The following AVEN variants were observed in gnomAD, a reference collection of about 807,000 sequenced individuals.
AVEN encodes the protein apoptosis and caspase activation inhibitor, also known as cell death regulator Aven.
AVEN carries 41 observed loss-of-function variants against 38.1 expected under a neutral mutation model. That is an observed-to-expected ratio of 1.08 (90% confidence interval 0.84 to 1.40). The LOEUF (loss-of-function observed/expected upper bound fraction) is 1.40. AVEN is among the 40% of genes most tolerant of loss of function. The pLI, the probability that AVEN is intolerant of heterozygous loss-of-function variation, is 0.00. For synonymous variants in AVEN, 206 were observed against 171.8 expected (o/e 1.20, Z -1.56); for missense variants, 605 against 438.8 (o/e 1.38, Z -3.38).
rs561282420 is a variant in AVEN, at chr15:33,951,541, C to A, written c.445+51491G>T. Among the ~76,000 whole-genome samples the A allele has an allele frequency of 2.7e-5, 4 of 150,478 alleles. No individual in the cohort carries two copies. The East Asian group carries it at 7.8e-4, about 29-fold the overall frequency. On this transcript the variant is annotated intron_variant, in intron 2 of 5. Transcript: ENST00000306730. The stretch of plus-strand genomic sequence containing the variant: ...CAAACCTGCACGTTGTGCACATGTA[C>A]CCTAGAACTTAAAGTATAATAAAAA...
At chr15:34,042,723 A>G (rs916288772), upstream of AVEN, among the ~76,000 whole-genome samples, 1 of 152,108 alleles carries the variant, frequency 6.6e-6, no homozygotes, top group Admixed American at 6.6e-5. Flanking sequence ...TTTTTTAAAT[A>G]AAATGGTAGC....
At chr15:33,893,179 A>T (rs1030025669) in intron 2 of AVEN, among the ~76,000 whole-genome samples, 1 of 152,162 alleles carries the variant, frequency 6.6e-6, no homozygotes, top group East Asian at 1.9e-4. Flanking sequence ...GGACAATTTG[A>T]CTTCTTCTTT....
rs1897666853 is a variant in AVEN, at chr15:34,012,228, T to C, written c.268-9019A>G. On this transcript the variant is annotated intron_variant, in intron 1 of 5. Transcript: ENST00000306730. Reference sequence around the variant, plus strand: ...GACAATTTGCTTCTTGACGTGGTTATGATCTGAGAGAAAAGATACCGTTTT... The same window carrying C: ...GACAATTTGCTTCTTGACGTGGTTACGATCTGAGAGAAAAGATACCGTTTT... Among the ~76,000 whole-genome samples the C allele has an allele frequency of 3.9e-5, 6 of 152,250 alleles. 1 individual carries two copies. In the South Asian group the frequency reaches 1.2e-3, roughly 32 times the overall value.
At chr15:33,961,579 C>CG (rs1895166662) in intron 2 of AVEN, among the ~76,000 whole-genome samples, 1 of 151,736 alleles carries the variant, frequency 6.6e-6, no homozygotes, top group African/African-American at 2.4e-5. Flanking sequence ...TTTGGGAGGC[C>CG]AAGGTGGGCG....
At chr15:33,955,547 A>G (rs1212268076) in intron 2 of AVEN, among the ~76,000 whole-genome samples, 1 of 152,184 alleles carries the variant, frequency 6.6e-6, no homozygotes, top group African/African-American at 2.4e-5. Flanking sequence ...ATACTAAGCT[A>G]GTCAGGAAAA....
chr15:33,852,901 C>G, the AVEN span: 2 of 704,914 alleles, frequency 2.8e-6, no homozygotes, highest in East Asian at 2.8e-5. Flanking sequence ...TGACTCTGAA[C>G]TTCAATCAGA....
intron 1 of AVEN, among the ~76,000 whole-genome samples, chr15:34,074,389 G>T (rs1297811769): frequency 2.0e-5 from 3 of 152,154 alleles, no homozygotes; most frequent in Non-Finnish European, 4.4e-5. Context: ...TAGGGCTCCA[G>T]CAACACAGTT....
intron 3 of AVEN, among the ~76,000 whole-genome samples, chr15:33,873,948 C>A (rs1376187867): frequency 6.6e-6 from 1 of 151,894 alleles, no homozygotes; most frequent in African/African-American, 2.4e-5. Context: ...CACTGCCTGA[C>A]CCTCTCAGGC....
chr15:33,864,280 T>A (rs991776072), downstream of AVEN: 48 of 981,766 alleles, frequency 4.9e-5, no homozygotes, highest in Non-Finnish European at 6.9e-5. Context: ...AATACATACA[T>A]GGCCCCATTA....
At chr15:33,919,211 T>C (rs55845386) in intron 2 of AVEN, among the ~76,000 whole-genome samples, 5,514 of 152,124 alleles carry the variant, frequency 0.036, 380 homozygotes, top group African/African-American at 0.13. Context: ...GCTTTTGTGT[T>C]TTTAAGAAAA....
At chr15:33,854,263 T>G (rs1487381811), downstream of AVEN, 4 of 712,818 alleles carry the variant, frequency 5.6e-6, no homozygotes, top group Non-Finnish European at 9.5e-6. Flanking sequence ...CACATACAAC[T>G]TGATAAAGCT....
At chr15:33,931,577 A>C (rs1031147726) in intron 2 of AVEN, among the ~76,000 whole-genome samples, 12 of 151,952 alleles carry the variant, frequency 7.9e-5, no homozygotes, top group African/African-American at 2.7e-4. Context: ...TCACTGTGTT[A>C]GCCAGGATGG....
chr15:34,070,259 CAT>C (rs1322054844), intron 2 of AVEN, among the ~76,000 whole-genome samples: 9 of 152,276 alleles, frequency 5.9e-5, no homozygotes, highest in Admixed American at 3.3e-4. Context: ...TCCCACAAGA[CAT>C]GGGGATTATG....
chr15:33,905,043 T>C (rs1171380579), intron 2 of AVEN, among the ~76,000 whole-genome samples: 1 of 146,778 alleles, frequency 6.8e-6, no homozygotes, highest in Non-Finnish European at 1.5e-5. Flanking sequence ...GGCAGGAGAA[T>C]CACTTGAACC....
intron 2 of AVEN, among the ~76,000 whole-genome samples, chr15:33,989,240 T>A (rs1186670714): frequency 6.6e-6 from 1 of 152,140 alleles, no homozygotes; most frequent in East Asian, 1.9e-4. Flanking sequence ...GCTTGGATAT[T>A]TTCATGACAG....
chr15:34,049,658 C>T (rs181699758), intron 5 of AVEN, among the ~76,000 whole-genome samples: 94 of 152,154 alleles, frequency 6.2e-4, no homozygotes, highest in East Asian at 3.7e-3. Context: ...GTCAGGCCAA[C>T]GTTCAAATTG....
intron 1 of AVEN, among the ~76,000 whole-genome samples, chr15:34,029,189 C>T (rs59828550): frequency 0.022 from 3,316 of 152,182 alleles, 117 homozygotes; most frequent in African/African-American, 0.074. Flanking sequence ...CCCTCCATCA[C>T]CCCCACCACC....
At chr15:34,021,762 G>A (rs1016516389) in intron 1 of AVEN, among the ~76,000 whole-genome samples, 1 of 152,124 alleles carries the variant, frequency 6.6e-6, no homozygotes, top group Non-Finnish European at 1.5e-5. Context: ...GGCTGAGGCA[G>A]GAGAATCACT....
At chr15:33,968,660 A>G (rs1895492424) in intron 2 of AVEN, 1 of 152,142 alleles carries the variant, frequency 6.6e-6, no homozygotes, top group African/African-American at 2.4e-5. Context: ...AAGCTGATGG[A>G]CTGAAAAGTT....
Sources: allele counts gnomAD v4.1 joint callset (sites outside exome capture counted in the v4.1 genomes callset), GRCh38; gene constraint gnomAD v4.1.1; transcripts MANE v1.5; gene names NCBI Gene and HGNC (gene_info 2026-07-23, HGNC 2026-07-21).